Variants in TMEFF2 observed in about 807,000 individuals in gnomAD.
TMEFF2 encodes transmembrane protein with EGF like and two follistatin like domains 2.
A neutral mutation model predicts 53.8 loss-of-function variants in TMEFF2; 28 were observed. The observed-to-expected ratio is 0.52, with a 90% CI of 0.39 to 0.71. The LOEUF is 0.71. Ranked by LOEUF, TMEFF2 falls within the 30% of genes least tolerant of loss-of-function variation. The pLI, the probability that TMEFF2 is intolerant of heterozygous loss-of-function variation, is 0.00. For missense variants in TMEFF2, 353 were observed against 455.2 expected (o/e 0.78, Z 2.04); for synonymous variants, 162 against 166.3 (o/e 0.97, Z 0.20).
intron 7 of TMEFF2, among the ~76,000 whole-genome samples, chr2:191,957,274 T>C (rs1463282404): frequency 1.3e-5 from 2 of 152,186 alleles, no homozygotes; most frequent in East Asian, 1.9e-4. Context: ...TGATAAAACT[T>C]TTGAGTTTTC....
At chr2:192,187,494 A>AAT (rs1691343352) in intron 2 of TMEFF2, among the ~76,000 whole-genome samples, 1 of 152,210 alleles carries the variant, frequency 6.6e-6, no homozygotes, top group Non-Finnish European at 1.5e-5. Flanking sequence ...ACTGCATTAA[A>AAT]ATATGCCAAA....
chr2:192,083,513 A>C (rs765261723), intron 4 of TMEFF2, among the ~76,000 whole-genome samples: 2 of 152,154 alleles, frequency 1.3e-5, no homozygotes, highest in African/African-American at 2.4e-5. Context: ...GCATTCTGCA[A>C]TTATAAATAC....
chr2:192,049,167 G>GTGTGTGTC (rs1449627498), intron 5 of TMEFF2, among the ~76,000 whole-genome samples: 2 of 151,980 alleles, frequency 1.3e-5, no homozygotes, highest in Non-Finnish European at 2.9e-5. Context: ...GTGTGTGTGT[G>GTGTGTGTC]TGTGTGCATA....
At chr2:192,009,292 A>G (rs1404335242) in intron 5 of TMEFF2, among the ~76,000 whole-genome samples, 1 of 152,168 alleles carries the variant, frequency 6.6e-6, no homozygotes, top group Non-Finnish European at 1.5e-5. Context: ...CAGGTGGTAT[A>G]TGAAAACAAC....
intron 4 of TMEFF2, among the ~76,000 whole-genome samples, chr2:192,070,018 A>G (rs879680787): frequency 0.15 from 3,555 of 23,898 alleles, 162 homozygotes; most frequent in East Asian, 0.33. Flanking sequence ...ATATATATAT[A>G]TATATATATA....
chr2:192,096,668 C>G (rs111627955), intron 4 of TMEFF2, among the ~76,000 whole-genome samples: 1,209 of 45,964 alleles, frequency 0.026, 65 homozygotes, highest in African/African-American at 0.037. Flanking sequence ...CTCTCTCTCT[C>G]TCTTTTTTTT....
rs369275672 is a variant in TMEFF2, at chr2:192,184,507, C to T, written c.283-24G>A. ...CACTGGGAAACACACAGATGTAAGC[C>T]TATAGTTAGTACTGGAGATTGTATC... On this transcript the variant is annotated intron_variant, in intron 2 of 9. Transcript: ENST00000272771. 5.6e-6 allele frequency: 9 copies of T among 1,612,322 alleles called. No homozygotes were observed. The African/African-American group carries it at 1.1e-4, about 19-fold the overall frequency.
chr2:192,188,272 G>A (rs764225269), intron 2 of TMEFF2, among the ~76,000 whole-genome samples: 1 of 152,164 alleles, frequency 6.6e-6, no homozygotes, highest in Admixed American at 6.5e-5. Flanking sequence ...GGTCATTAAC[G>A]GATATAGCTT....
rs776200366 is a variant in TMEFF2 at position 192,194,315 on chromosome 2, C to A, written c.172+38G>T. 6.2e-7 allele frequency: 1 copy of A among 1,608,452 alleles called. No homozygotes were observed. Among genetic ancestry groups the A allele is most frequent in the Non-Finnish European group, 8.5e-7 (1 of 1,176,248 alleles). The stretch of plus-strand genomic sequence containing the variant: ...TGTGCTGGATACGCGTGTTCTTCTG[C>A]GGAGTTAAAGGGTCGGGGACGGGGG... On this transcript the variant is annotated intron_variant, in intron 1 of 9. Transcript: ENST00000272771. The surrounding 1 kb of genome is among the most constrained non-coding windows in gnomAD (Gnocchi z 4.2).
intron 4 of TMEFF2, among the ~76,000 whole-genome samples, chr2:192,166,550 A>G (rs1033144805): frequency 2.0e-5 from 3 of 152,178 alleles, no homozygotes; most frequent in Non-Finnish European, 4.4e-5. Flanking sequence ...AAAGTGATAA[A>G]AATATTTTCA....
At chr2:191,982,442 G>A (rs1456509679) in intron 7 of TMEFF2, among the ~76,000 whole-genome samples, 1 of 149,208 alleles carries the variant, frequency 6.7e-6, no homozygotes, top group Non-Finnish European at 1.5e-5. Flanking sequence ...ACATGGAAAT[G>A]CCTCACTTCT....
intron 5 of TMEFF2, among the ~76,000 whole-genome samples, chr2:192,045,016 C>T (rs1260380921): frequency 6.6e-6 from 1 of 152,154 alleles, no homozygotes; most frequent in South Asian, 2.1e-4. Flanking sequence ...AAGAAGGGGC[C>T]TAATTGTCAT....
At chr2:192,022,968 A>G (rs1686890122) in intron 5 of TMEFF2, among the ~76,000 whole-genome samples, 1 of 152,138 alleles carries the variant, frequency 6.6e-6, no homozygotes, top group Non-Finnish European at 1.5e-5. Context: ...TTTGTTATGA[A>G]GTATGGAAGA....
intron 7 of TMEFF2, among the ~76,000 whole-genome samples, chr2:191,971,220 T>G (rs1231851010): frequency 2.0e-5 from 3 of 152,196 alleles, no homozygotes; most frequent in African/African-American, 7.2e-5. Flanking sequence ...CTTGTGATCT[T>G]ATAGTGTTAG....
At position 191,949,449 on chromosome 2, in the gene TMEFF2, G is replaced by A. The variant is rs1436816710; in HGVS notation, c.*862C>T. On this transcript the variant is annotated 3_prime_UTR_variant, in exon 10 of 10. Transcript: ENST00000272771. ...AACTATATACTATACATATTGTATG[G>A]TGCTTTTGAGAATTCACGATTTTGG... The A allele has an allele frequency of 1.0e-6, 1 of 985,228 alleles. No homozygotes were observed. The highest frequency in any genetic ancestry group is 6.2e-5 in the Admixed American group (1 of 16,254). The allele number at this position is 985,228 out of a possible 1,614,324, so 61.0% of individuals were successfully genotyped here. A position where few individuals can be genotyped will look rare whatever the true frequency, so the allele number is the denominator to read the frequency against.
chr2:191,998,118 A>G (rs750318512), intron 7 of TMEFF2, 144 bp downstream of exon 7: 3 of 585,752 alleles, frequency 5.1e-6, no homozygotes, highest in Non-Finnish European at 8.5e-6. Flanking sequence ...CTCTTGCCTA[A>G]TGAAAGCTTG....
chr2:192,057,955 AAT>A (rs1278871800), intron 4 of TMEFF2, among the ~76,000 whole-genome samples, 180 bp from the exon 5 acceptor site: 1 of 152,228 alleles, frequency 6.6e-6, no homozygotes, highest in African/African-American at 2.4e-5. Context: ...CTCTAACAAT[AAT>A]ATGTTTCCCA....
At chr2:191,965,664 C>T (rs574467095) in intron 7 of TMEFF2, among the ~76,000 whole-genome samples, 1 of 152,000 alleles carries the variant, frequency 6.6e-6, no homozygotes, top group South Asian at 2.1e-4. Context: ...TCTTCTGCAT[C>T]TTCTTACATT....
At chr2:191,973,382 AGTTT>A (rs1457019854) in intron 7 of TMEFF2, among the ~76,000 whole-genome samples, 2 of 152,122 alleles carry the variant, frequency 1.3e-5, no homozygotes, top group Non-Finnish European at 2.9e-5. Flanking sequence ...CAGGTATGTA[AGTTT>A]AAGAACATGA....
Sources: allele counts gnomAD v4.1 joint callset (sites outside exome capture counted in the v4.1 genomes callset), GRCh38; gene constraint gnomAD v4.1.1; non-coding constraint Gnocchi (gnomAD v3.1); transcripts MANE v1.5; gene names NCBI Gene and HGNC (gene_info 2026-07-23, HGNC 2026-07-21).